MGAT4D: variants seen among roughly 807,000 people sequenced by gnomAD.
MGAT4D encodes the protein MGAT4 family member D, also known as alpha-1,3-mannosyl-glycoprotein 4-beta-N-acetylglucosaminyltransferase-like protein MGAT4D.
Under a neutral mutation model 15.9 loss-of-function variants are expected in MGAT4D, and 34 were observed. The ratio of observed to expected loss-of-function variants is 2.14; its 90% CI spans 1.62 to 2.84. MGAT4D has a LOEUF of 2.84. Among genes scored for constraint, MGAT4D ranks in the 30% most tolerant of loss-of-function variants. MGAT4D has a pLI of 0.00. For missense variants in MGAT4D, 327 were observed against 140.2 expected, an observed-to-expected ratio of 2.33 and a Z score of -6.73; for synonymous variants, 112 against 48.2, an observed-to-expected ratio of 2.33 and a Z score of -5.49.
At chr4:140,459,768 T>A in intron 7 of MGAT4D, 142 bp from the exon 8 acceptor site, 1 of 292,152 alleles carries the variant, frequency 3.4e-6, no homozygotes, top group Non-Finnish European at 6.2e-6. Flanking sequence ...CAGTTTCAAT[T>A]AATTGAAGGT....
intron 10 of MGAT4D, among the ~76,000 whole-genome samples, chr4:140,444,403 G>A (rs1160485951): frequency 3.9e-5 from 6 of 152,048 alleles, no homozygotes; most frequent in Non-Finnish European, 8.8e-5. Context: ...CCCAGTATCT[G>A]TCATTCACCT....
At chr4:140,473,662 C>G (rs1560785777) in intron 4 of MGAT4D, among the ~76,000 whole-genome samples, 1 of 152,144 alleles carries the variant, frequency 6.6e-6, no homozygotes, top group African/African-American at 2.4e-5. Flanking sequence ...AACTTCCATA[C>G]TATACTGCCA....
chr4:140,447,813 C>G (rs759567831), intron 10 of MGAT4D, among the ~76,000 whole-genome samples: 1 of 152,180 alleles, frequency 6.6e-6, no homozygotes, highest in African/African-American at 2.4e-5. Context: ...GGTCTGTGTA[C>G]TTAAATGTGT....
intron 8 of MGAT4D, chr4:140,458,444 C>G (rs1730950894): frequency 6.6e-6 from 1 of 152,126 alleles, no homozygotes; most frequent in Non-Finnish European, 1.5e-5. Flanking sequence ...AAAGCACAGA[C>G]AGTGAATGCT....
At chr4:140,489,349 C>T (rs1017585008) in intron 1 of MGAT4D, among the ~76,000 whole-genome samples, 1 of 152,022 alleles carries the variant, frequency 6.6e-6, no homozygotes, top group Non-Finnish European at 1.5e-5. Context: ...CCCCTCTGTG[C>T]ATTAGGTTTT....
chr4:140,442,865 G>A lies in MGAT4D; in HGVS notation c.*571C>T, dbSNP rs190626206. 4 of 152,144 alleles carry A rather than the reference G, an allele frequency of 2.6e-5. No individual in the cohort carries two copies. The East Asian group carries it at 7.7e-4, about 29-fold the overall frequency. The allele number at this position is 152,144 out of a possible 1,614,324, so 9.4% of individuals were successfully genotyped here. ...GTGTGTTAAGAAGGCAATGATGAGA[G>A]AAACTATGAAATCTTTAGAACTAAA... On this transcript the variant is annotated 3_prime_UTR_variant, in exon 11 of 11. Transcript: ENST00000511113.
chr4:140,454,626 G>C (rs1730680659), intron 9 of MGAT4D, among the ~76,000 whole-genome samples: 1 of 152,040 alleles, frequency 6.6e-6, no homozygotes, highest in Admixed American at 6.6e-5. Flanking sequence ...AAAGAATTGG[G>C]ATGTACCCTT....
chr4:140,459,799 CTTTTTTTTT>C (rs576574327), intron 7 of MGAT4D, among the ~76,000 whole-genome samples, 173 bp from the exon 8 acceptor site: 3 of 109,064 alleles, frequency 2.8e-5, no homozygotes, highest in African/African-American at 7.2e-5. Context: ...AGTTGATTTC[CTTTTTTTTT>C]TTTTTTTTTT....
At position 140,474,912 on chromosome 4, in the gene MGAT4D, T is replaced by A. The variant is rs1356548403; in HGVS notation, c.426A>T (p.Arg142Ser). 2.9e-6 allele frequency: 2 copies of A among 697,820 alleles called. No homozygotes were observed. The highest frequency in any genetic ancestry group is 3.5e-5 in the African/African-American group (2 of 56,902). The allele number at this position is 697,820 out of a possible 1,614,324, so 43.2% of individuals were successfully genotyped here. A position where few individuals can be genotyped will look rare whatever the true frequency, so the allele number is the denominator to read the frequency against. ...TCTGTTTCAGGTAACTATAATTTCC[T>A]CTGTTAACAGTGGAAATACCCAGCG... is the stretch of plus-strand genomic sequence containing the variant. Reference protein sequence around the residue: ...SFALGISTVNRGNYSYLKQTL... With the variant: ...SFALGISTVNSGNYSYLKQTL... The change falls in exon 4 of 11, where the codon AGA becomes AGT. Residue 142 changes from arginine to serine, a missense_variant. Coordinates refer to ENST00000511113, the MANE Select transcript of MGAT4D (RefSeq NM_001277353.2).
intron 9 of MGAT4D, 132 bp from the exon 10 acceptor site, chr4:140,451,649 T>C: frequency 2.6e-6 from 1 of 382,114 alleles, no homozygotes; most frequent in Non-Finnish European, 4.6e-6. Flanking sequence ...ATAAACAAAA[T>C]ATTTAATTCT....
In MGAT4D at chr4:140,484,011, G is replaced by A. The variant is rs200448922; in HGVS notation, c.95-1526C>T. Among the ~76,000 whole-genome samples the A allele has an allele frequency of 2.6e-5, 4 of 151,974 alleles. No individual in the cohort carries two copies. The East Asian group carries it at 5.8e-4, about 22-fold the overall frequency. ...TAACAAAAGACAAAATAAATGAATG[G>A]GATTACATCAAGTTAAACAAGCTTA... On this transcript the variant is annotated intron_variant, in intron 1 of 10. Coordinates refer to ENST00000511113, the MANE Select transcript of MGAT4D (RefSeq NM_001277353.2).
chr4:140,449,757 CTCA>C (rs1730354595), intron 10 of MGAT4D, among the ~76,000 whole-genome samples: 1 of 33,888 alleles, frequency 3.0e-5, no homozygotes, highest in Non-Finnish European at 1.2e-4. Flanking sequence ...GAGACTCCTT[CTCA>C]AAAAAAAAAA....
At chr4:140,469,889 C>T (rs1731803981) in intron 5 of MGAT4D, among the ~76,000 whole-genome samples, 1 of 152,254 alleles carries the variant, frequency 6.6e-6, no homozygotes, top group Admixed American at 6.5e-5. Context: ...TCACAGCTCA[C>T]ACTGCACATC....
At chr4:140,455,551 G>C (rs1206278906) in intron 9 of MGAT4D, among the ~76,000 whole-genome samples, 1 of 152,090 alleles carries the variant, frequency 6.6e-6, no homozygotes, top group South Asian at 2.1e-4. Context: ...TGGATGTAGT[G>C]GTTTTTAAAT....
intron 1 of MGAT4D, among the ~76,000 whole-genome samples, chr4:140,494,580 A>G (rs1733715343): frequency 6.6e-6 from 1 of 152,110 alleles, no homozygotes; most frequent in Admixed American, 6.5e-5. Flanking sequence ...CAACACTTTC[A>G]CTGGGATCTC....
chr4:140,475,841 T>C (rs1578689527), intron 3 of MGAT4D, among the ~76,000 whole-genome samples: 1 of 138,302 alleles, frequency 7.2e-6, no homozygotes, highest in African/African-American at 2.7e-5. Flanking sequence ...AGATGGAGTC[T>C]CACTCTGTTG....
In MGAT4D at chr4:140,464,985, T is replaced by C. The variant is rs1170330093; in HGVS notation, c.597A>G (p.Gly199=). Residue 199 remains glycine, a synonymous_variant, in exon 6 of 11, where the codon GGA becomes GGG. Transcript: ENST00000511113. ...CAGGTATTGAAATGACCTCTAAGGA[T>C]CCAGACCTCACTTGCCTTTTGAATC... ...TKKFKRQVRS[G]SLEVISIPAF... is the part of the protein sequence containing the mutation. 1.4e-6 allele frequency: 1 copy of C among 702,268 alleles called. No individual in the cohort carries two copies. The highest frequency in any genetic ancestry group is 2.6e-6 in the Non-Finnish European group (1 of 384,646). 43.5% of individuals were successfully genotyped at this position (702,268 alleles called of 1,614,324 possible).
At chr4:140,443,645 A>G (rs917319528) in intron 10 of MGAT4D, among the ~76,000 whole-genome samples, 1 of 152,118 alleles carries the variant, frequency 6.6e-6, no homozygotes, top group Admixed American at 6.6e-5. Context: ...TGCCAATTTT[A>G]ATACTCTTAC....
intron 1 of MGAT4D, among the ~76,000 whole-genome samples, chr4:140,490,595 C>T (rs151305841): frequency 1.6e-3 from 248 of 152,234 alleles, no homozygotes; most frequent in African/African-American, 5.8e-3. Context: ...AAAACTTGGC[C>T]CAGACCCAAT....
Sources: gnomAD v4.1 joint callset for allele counts (sites outside exome capture counted in the v4.1 genomes callset) on GRCh38, gnomAD v4.1.1 for gene constraint, MANE v1.5 for transcripts, NCBI Gene and HGNC (gene_info 2026-07-23, HGNC 2026-07-21) for gene names.